Variants in SYT16 observed in about 807,000 individuals in gnomAD.
SYT16 encodes the protein synaptotagmin 16.
A neutral mutation model predicts 61.4 loss-of-function variants in SYT16; 42 were observed. The observed-to-expected ratio is 0.68, with a 90% CI of 0.53 to 0.89. The LOEUF is 0.89. SYT16 is among the 40% of genes least tolerant of loss of function. The pLI is 0.00. For synonymous variants in SYT16, 314 were observed against 302.3 expected, an observed-to-expected ratio of 1.04 and a Z score of -0.40; for missense variants, 804 against 807.3, an observed-to-expected ratio of 1.00 and a Z score of 0.05.
intron 3 of SYT16, among the ~76,000 whole-genome samples, chr14:62,068,418 G>T (rs1247589275): frequency 1.3e-5 from 2 of 152,110 alleles, no homozygotes; most frequent in African/African-American, 4.8e-5. Context: ...TTACCAAGGG[G>T]CAGGGGGCAG....
intron 2 of SYT16, among the ~76,000 whole-genome samples, chr14:61,988,064 C>T (rs996665774): frequency 3.9e-5 from 6 of 152,038 alleles, no homozygotes; most frequent in African/African-American, 1.4e-4. Context: ...AATTATATTG[C>T]TTCATACTGT....
intron 1 of SYT16, among the ~76,000 whole-genome samples, chr14:61,908,441 A>C (rs1040164833): frequency 3.9e-5 from 6 of 152,162 alleles, no homozygotes; most frequent in African/African-American, 1.4e-4. Context: ...GTATTTTTTT[A>C]GGTTTCATAA....
intron 2 of SYT16, among the ~76,000 whole-genome samples, chr14:61,977,971 C>T (rs1466184003): frequency 6.6e-6 from 1 of 152,142 alleles, no homozygotes; most frequent in Non-Finnish European, 1.5e-5. Flanking sequence ...TTGCTCCTTG[C>T]TCCTGGTGGC....
intron 2 of SYT16, among the ~76,000 whole-genome samples, chr14:61,985,868 A>G (rs1247140332): frequency 6.6e-6 from 1 of 152,152 alleles, no homozygotes; most frequent in Non-Finnish European, 1.5e-5. Context: ...TGTCTATATC[A>G]TAGTTATGTT....
chr14:61,908,148 C>T (rs2048796705), intron 1 of SYT16, among the ~76,000 whole-genome samples: 1 of 152,226 alleles, frequency 6.6e-6, no homozygotes, highest in Non-Finnish European at 1.5e-5. Flanking sequence ...TTCCCCTTTT[C>T]TCAGTTTTTC....
At chr14:62,024,287 A>G (rs928048811) in intron 3 of SYT16, among the ~76,000 whole-genome samples, 1 of 152,144 alleles carries the variant, frequency 6.6e-6, no homozygotes, top group Non-Finnish European at 1.5e-5. Flanking sequence ...AAATATACTT[A>G]GAAAAATGAA....
At chr14:61,856,740 A>G (rs555184560) in intron 1 of SYT16, among the ~76,000 whole-genome samples, 1 of 152,336 alleles carries the variant, frequency 6.6e-6, no homozygotes, top group South Asian at 2.1e-4. Context: ...GGCTTGATAT[A>G]GAAATATGGG....
At position 62,072,481 on chromosome 14, in the gene SYT16, G is replaced by T. The variant is rs7152869; in HGVS notation, c.737-2654G>T. On this transcript the variant is annotated intron_variant, in intron 4 of 7. Coordinates refer to ENST00000683842, the MANE Select transcript of SYT16 (RefSeq NM_001367656.1). Reference sequence around the variant, plus strand: ...AGAAATACACAGCCCCCATATTTGCGGTACAGGTTGTTGGGAAAGGTAGGG... The same window carrying T: ...AGAAATACACAGCCCCCATATTTGCTGTACAGGTTGTTGGGAAAGGTAGGG... Among the ~76,000 whole-genome samples the T allele has an allele frequency of 2.6e-5, 4 of 152,120 alleles. No homozygotes were observed. In the East Asian group the frequency reaches 7.7e-4, roughly 29 times the overall value.
At chr14:61,933,306 A>G (rs1289840590) in intron 1 of SYT16, among the ~76,000 whole-genome samples, 1 of 152,224 alleles carries the variant, frequency 6.6e-6, no homozygotes, top group Non-Finnish European at 1.5e-5. Flanking sequence ...TATAGAAAGA[A>G]GGTATCTGAA....
At chr14:62,097,433 A>G (rs1299280622) in intron 7 of SYT16, among the ~76,000 whole-genome samples, 1 of 152,206 alleles carries the variant, frequency 6.6e-6, no homozygotes, top group Non-Finnish European at 1.5e-5. Flanking sequence ...TTACTTAGCT[A>G]GAGTCTTTCT....
At chr14:62,088,953 TA>T (rs2056977662) in intron 7 of SYT16, among the ~76,000 whole-genome samples, 2 of 137,646 alleles carry the variant, frequency 1.5e-5, no homozygotes, top group African/African-American at 6.4e-5. Context: ...TGGTTGGCAA[TA>T]CTTTTTTTTT....
chr14:61,816,100 G>T (rs976844720), intron 1 of SYT16, among the ~76,000 whole-genome samples: 2 of 152,136 alleles, frequency 1.3e-5, no homozygotes, highest in African/African-American at 4.8e-5. Flanking sequence ...TCCCCGTTTG[G>T]GTGCTCCTGG....
Position 62,109,749 on chromosome 14 carries a change from A to T in SYT16, c.*9042A>T, listed in dbSNP as rs1355610571. On this transcript the variant is annotated 3_prime_UTR_variant, in exon 8 of 8. Transcript: ENST00000683842. The stretch of plus-strand genomic sequence containing the variant: ...AATGAGTTAAATACCTGTCGATAAA[A>T]AGTGTTAATTATGTTATTACTGATT... 6.6e-6 allele frequency: 1 copy of T among 152,132 alleles called. No individual in the cohort carries two copies. Among genetic ancestry groups the T allele is most frequent in the Non-Finnish European group, 1.5e-5 (1 of 68,020 alleles). The allele number at this position is 152,132 out of a possible 1,614,324, so 9.4% of individuals were successfully genotyped here.
Position 61,962,931 on chromosome 14 carries a change from A to G in SYT16, c.-324-7201A>G, listed in dbSNP as rs183806879. On this transcript the variant is annotated intron_variant, in intron 1 of 7. Transcript: ENST00000683842. The stretch of plus-strand genomic sequence containing the variant: ...TTAATTAGTCTATTTGTGTTTTCTT[A>G]TAGCTCACTGAGCTTTTTAAAGATG... 2.8e-4 allele frequency among the ~76,000 whole-genome samples: 42 copies of G among 152,148 alleles called. No individual in the cohort carries two copies. In the East Asian group the frequency reaches 7.7e-3, roughly 28 times the overall value.
intron 2 of SYT16, among the ~76,000 whole-genome samples, chr14:61,979,449 G>T (rs758482109): frequency 6.6e-6 from 1 of 152,154 alleles, no homozygotes; most frequent in Non-Finnish European, 1.5e-5. Flanking sequence ...TGTACCCAGA[G>T]TCTAGGTTCC....
chr14:62,100,284 T>C, intron 7 of SYT16, 110 bp from the exon 8 acceptor site: 1 of 913,968 alleles, frequency 1.1e-6, no homozygotes, highest in South Asian at 1.8e-5. Flanking sequence ...CTGATCAGTA[T>C]GTTGAAAGGA....
intron 3 of SYT16, among the ~76,000 whole-genome samples, chr14:62,000,099 A>ATTTTTTTTTTTT: frequency 4.2e-4 from 8 of 18,952 alleles, no homozygotes; most frequent in African/African-American, 1.4e-3. Flanking sequence ...TTGTCTCTCG[A>ATTTTTTTTTTTT]TTTTTTTTTT....
intron 1 of SYT16, among the ~76,000 whole-genome samples, chr14:61,931,578 C>T (rs1476874416): frequency 1.3e-5 from 2 of 152,070 alleles, no homozygotes; most frequent in Non-Finnish European, 2.9e-5. Flanking sequence ...AAAAGTTTTT[C>T]TACAGCCCTT....
intron 2 of SYT16, among the ~76,000 whole-genome samples, chr14:61,992,810 A>G (rs1033494489): frequency 6.6e-6 from 1 of 152,096 alleles, no homozygotes; most frequent in Non-Finnish European, 1.5e-5. Flanking sequence ...GATTATATAG[A>G]GTTGGAAACA....
Sources: gnomAD v4.1 joint callset for allele counts (sites outside exome capture counted in the v4.1 genomes callset) on GRCh38, gnomAD v4.1.1 for gene constraint, MANE v1.5 for transcripts, NCBI Gene and HGNC (gene_info 2026-07-23, HGNC 2026-07-21) for gene names.